Variants in MARCHF10 observed in about 807,000 individuals in gnomAD.
MARCHF10 encodes the protein membrane associated ring-CH-type finger 10, also known as probable E3 ubiquitin-protein ligase MARCHF10.
In MARCHF10, 64 loss-of-function variants were observed where a neutral mutation model predicts 76.2. The ratio of observed to expected loss-of-function variants is 0.84; its 90% CI spans 0.69 to 1.03. The LOEUF (loss-of-function observed/expected upper bound fraction) is 1.03. Ranked by LOEUF, MARCHF10 falls within the 50% of genes least tolerant of loss-of-function variation. MARCHF10 has a pLI of 0.00. For synonymous variants in MARCHF10, 340 were observed against 357.5 expected (o/e 0.95, Z 0.55); for missense variants, 875 against 958.0 (o/e 0.91, Z 1.14).
intron 9 of MARCHF10, among the ~76,000 whole-genome samples, chr17:62,710,279 G>A (rs1326066475): frequency 6.6e-6 from 1 of 152,144 alleles, no homozygotes; most frequent in Non-Finnish European, 1.5e-5. Flanking sequence ...ATGAAAATAA[G>A]GTTACAGAAA....
At chr17:62,795,241 C>T (rs2092963897) in intron 2 of MARCHF10, among the ~76,000 whole-genome samples, 2 of 150,466 alleles carry the variant, frequency 1.3e-5, no homozygotes, top group African/African-American at 4.9e-5. Flanking sequence ...CCAGTTTGAA[C>T]ACATTTAATA....
intron 6 of MARCHF10, among the ~76,000 whole-genome samples, chr17:62,734,424 T>TGATGTGTGC (rs1555693984): frequency 7.2e-5 from 11 of 152,238 alleles, no homozygotes; most frequent in African/African-American, 2.6e-4. Context: ...GGTTTGTGTG[T>TGATGTGTGC]GATGTGTGCG....
In MARCHF10 at chr17:62,712,310, ACTCTGTC is replaced by A. The variant is rs2089975282; in HGVS notation, c.2215-973_2215-967del. On this transcript the variant is annotated intron_variant, in intron 8 of 10. Transcript: ENST00000311269. This position sits in a 1 kb window ranked among gnomAD's most constrained non-coding sequence, Gnocchi z 4.2. ...ACCCTTGGGAAAGCTTGCAACTGTG[ACTCTGTC>A]GGCCCAGGATAACGATGCGTGGGCA... is the stretch of plus-strand genomic sequence containing the variant. 6.6e-6 allele frequency among the ~76,000 whole-genome samples: 1 copy of A among 151,970 alleles called. No homozygotes were observed. Among genetic ancestry groups the A allele is most frequent in the South Asian group, 2.1e-4 (1 of 4,812 alleles).
At chr17:62,774,763 G>T (rs2092515965) in intron 3 of MARCHF10, among the ~76,000 whole-genome samples, 1 of 152,048 alleles carries the variant, frequency 6.6e-6, no homozygotes, top group South Asian at 2.1e-4. Flanking sequence ...TTAAAAATCT[G>T]CATCCTCAAA....
chr17:62,727,434 C>T (rs1248077031), intron 6 of MARCHF10, among the ~76,000 whole-genome samples: 5 of 151,914 alleles, frequency 3.3e-5, no homozygotes, highest in East Asian at 3.9e-4. Flanking sequence ...TTTGGGAAGC[C>T]GAGGCAGGAG....
intron 3 of MARCHF10, among the ~76,000 whole-genome samples, chr17:62,766,579 C>T (rs749017549): frequency 2.0e-5 from 3 of 152,098 alleles, no homozygotes; most frequent in East Asian, 1.9e-4. Context: ...TTGCCCTTGA[C>T]GTAGGTGTCT....
chr17:62,716,910 G>A (rs1247264671), intron 8 of MARCHF10, among the ~76,000 whole-genome samples: 1 of 152,130 alleles, frequency 6.6e-6, no homozygotes, highest in Non-Finnish European at 1.5e-5. Context: ...GCAGGAGGGT[G>A]GCCAGGAGGC....
intron 7 of MARCHF10, among the ~76,000 whole-genome samples, chr17:62,723,432 G>C (rs1257384887): frequency 1.3e-5 from 2 of 151,872 alleles, no homozygotes; most frequent in South Asian, 4.2e-4. Flanking sequence ...TAAAAATAGG[G>C]CTTGTGCAGT....
At chr17:62,704,192 G>A (rs2089429947) in intron 10 of MARCHF10, among the ~76,000 whole-genome samples, 1 of 151,546 alleles carries the variant, frequency 6.6e-6, no homozygotes, top group South Asian at 2.1e-4. Context: ...AGGCTGGGAC[G>A]CGCGGGGCGG....
intron 2 of MARCHF10, among the ~76,000 whole-genome samples, chr17:62,791,504 G>A (rs2092842041): frequency 6.6e-6 from 1 of 152,162 alleles, no homozygotes; most frequent in East Asian, 1.9e-4. Context: ...CAAAAGGGGA[G>A]GAAGAATAGA....
intron 3 of MARCHF10, among the ~76,000 whole-genome samples, chr17:62,764,322 C>T (rs1014740065): frequency 5.9e-5 from 9 of 152,138 alleles, no homozygotes; most frequent in Non-Finnish European, 7.3e-5. Flanking sequence ...TGTCCCTCCC[C>T]GAGAGGTGCT....
intron 2 of MARCHF10, among the ~76,000 whole-genome samples, chr17:62,793,545 C>CACA: frequency 7.0e-6 from 1 of 143,192 alleles, no homozygotes; most frequent in Non-Finnish European, 1.5e-5. Context: ...CCACCACCAC[C>CACA]TCCACTGCCA....
At chr17:62,769,494 T>A (rs1470379445) in intron 3 of MARCHF10, among the ~76,000 whole-genome samples, 1 of 152,222 alleles carries the variant, frequency 6.6e-6, no homozygotes, top group African/African-American at 2.4e-5. Flanking sequence ...CTCGGCTTAC[T>A]GTAACCTCCG....
intron 6 of MARCHF10, among the ~76,000 whole-genome samples, chr17:62,733,271 C>T (rs1216499652): frequency 6.6e-6 from 1 of 151,960 alleles, no homozygotes; most frequent in Non-Finnish European, 1.5e-5. Flanking sequence ...CCAGCCTGGG[C>T]AACGTAGTGA....
intron 7 of MARCHF10, 37 bp from the exon 8 acceptor site, chr17:62,722,634 A>G (rs752432206): frequency 4.6e-6 from 7 of 1,527,406 alleles, no homozygotes; most frequent in Non-Finnish European, 5.4e-6. Context: ...ACATATAACC[A>G]TGGGTCTGTT....
At chr17:62,801,571 G>A (rs934811024) in intron 2 of MARCHF10, 75 bp downstream of exon 2, 75 of 1,298,906 alleles carry the variant, frequency 5.8e-5, no homozygotes, top group Non-Finnish European at 7.3e-5. Flanking sequence ...CTTATCATAC[G>A]TTGATGCTGT....
intron 4 of MARCHF10, among the ~76,000 whole-genome samples, chr17:62,758,562 A>T (rs1040545077): frequency 1.3e-5 from 2 of 152,214 alleles, no homozygotes; most frequent in African/African-American, 4.8e-5. Context: ...ATTAACTGTG[A>T]TGATACTTTC....
chr17:62,758,281 G>A (rs756800037), intron 4 of MARCHF10, among the ~76,000 whole-genome samples: 3 of 151,974 alleles, frequency 2.0e-5, no homozygotes, highest in African/African-American at 4.8e-5. Context: ...CCGGGGAGGC[G>A]GAGGTTGCAG....
chr17:62,735,299 T>C (rs1209035586), intron 6 of MARCHF10: 1 of 152,292 alleles, frequency 6.6e-6, no homozygotes, highest in Non-Finnish European at 1.5e-5. Context: ...TTCATAGCTG[T>C]GAACTATCCC....
Sources: allele counts gnomAD v4.1 joint callset (sites outside exome capture counted in the v4.1 genomes callset), GRCh38; gene constraint gnomAD v4.1.1; non-coding constraint Gnocchi (gnomAD v3.1); transcripts MANE v1.5; gene names NCBI Gene and HGNC (gene_info 2026-07-23, HGNC 2026-07-21).